Variants in FAM13C observed in about 807,000 individuals in gnomAD.
The protein encoded by FAM13C is family with sequence similarity 13 member C.
Under a neutral mutation model 73.2 loss-of-function variants are expected in FAM13C, and 37 were observed. That is an observed-to-expected ratio of 0.51 (90% CI 0.39 to 0.67). FAM13C has a LOEUF of 0.67. FAM13C is among the 30% of genes least tolerant of loss of function. The pLI is 0.00. For synonymous variants in FAM13C, 246 were observed against 260.9 expected, an observed-to-expected ratio of 0.94 and a Z score of 0.55; for missense variants, 589 against 715.6, an observed-to-expected ratio of 0.82 and a Z score of 2.02.
chr10:59,282,972 C>T lies in FAM13C; in HGVS notation c.592+391G>A, dbSNP rs192305150. On this transcript the variant is annotated intron_variant, in intron 6 of 13. Coordinates refer to ENST00000618804, the MANE Select transcript of FAM13C (RefSeq NM_198215.4). ...AAGGAAGTAGCAGTATGGAAACTTCCCCATCCTCAACACATCAAAAAGAAG... is the reference window on the plus strand; with the variant it reads ...AAGGAAGTAGCAGTATGGAAACTTCTCCATCCTCAACACATCAAAAAGAAG... The T allele has an allele frequency of 2.4e-5, 5 of 207,066 alleles. No individual in the cohort carries two copies. In the Admixed American group the frequency reaches 2.6e-4, roughly 11 times the overall value. 12.8% of individuals were successfully genotyped at this position (207,066 alleles called of 1,614,324 possible).
chr10:59,255,464 C>T (rs1841863826), intron 10 of FAM13C, among the ~76,000 whole-genome samples: 1 of 152,090 alleles, frequency 6.6e-6, no homozygotes, highest in Non-Finnish European at 1.5e-5. Context: ...TCCAAAGTGA[C>T]CGAACTCCTC....
chr10:59,307,429 C>G (rs554728769), intron 4 of FAM13C, among the ~76,000 whole-genome samples: 1 of 152,298 alleles, frequency 6.6e-6, no homozygotes, highest in Non-Finnish European at 1.5e-5. Flanking sequence ...CTTACTACCC[C>G]AGAGTGGGTC....
chr10:59,254,626 CAG>C (rs1318879710), intron 10 of FAM13C, among the ~76,000 whole-genome samples, 183 bp from the exon 11 acceptor site: 1 of 150,040 alleles, frequency 6.7e-6, no homozygotes, highest in Non-Finnish European at 1.5e-5. Context: ...TATTTAGAGA[CAG>C]AGTCTCACTC....
intron 5 of FAM13C, among the ~76,000 whole-genome samples, chr10:59,292,425 C>G (rs1846366378): frequency 6.6e-6 from 1 of 152,262 alleles, no homozygotes; most frequent in South Asian, 2.1e-4. Context: ...GATGGTAGCA[C>G]AGGAGATGGC....
intron 5 of FAM13C, among the ~76,000 whole-genome samples, chr10:59,289,542 C>T (rs1208918663): frequency 6.6e-6 from 1 of 152,230 alleles, no homozygotes; most frequent in African/African-American, 2.4e-5. Flanking sequence ...AAGAGCTGCA[C>T]TAGGCTCTGC....
At chr10:59,339,296 G>A (rs369840148) in intron 3 of FAM13C, among the ~76,000 whole-genome samples, 10 of 151,892 alleles carry the variant, frequency 6.6e-5, no homozygotes, top group African/African-American at 2.4e-4. Flanking sequence ...ATTTGAAGGG[G>A]GACACTACTC....
rs1371208686 is a variant in FAM13C at position 59,313,853 on chromosome 10, T to C, written c.443+10135A>G. On this transcript the variant is annotated intron_variant, in intron 4 of 13. Transcript: ENST00000618804. ...TATGGCCAAGAGAGGCGTGAGATTA[T>C]AGAGGGCAAACCAGAATTCCATGGG... 2.0e-5 allele frequency among the ~76,000 whole-genome samples: 3 copies of C among 152,138 alleles called. No homozygotes were observed. In the South Asian group the frequency reaches 6.2e-4, roughly 32 times the overall value.
At chr10:59,329,342 G>GTTTTTTTTTTTTTTTT (rs71006247) in intron 3 of FAM13C, among the ~76,000 whole-genome samples, 3 of 77,300 alleles carry the variant, frequency 3.9e-5, no homozygotes, top group Non-Finnish European at 7.4e-5. Context: ...TTTCTTTCTG[G>GTTTTTTTTTTTTTTTT]TTTTTTTTTT....
chr10:59,303,262 C>T (rs1847812096), intron 4 of FAM13C, among the ~76,000 whole-genome samples: 1 of 152,200 alleles, frequency 6.6e-6, no homozygotes, highest in African/African-American at 2.4e-5. Context: ...CAGGGCACCT[C>T]CCCAAGGAGG....
chr10:59,264,210 G>A (rs1206240596), intron 8 of FAM13C, 44 bp from the exon 9 acceptor site: 1 of 1,331,264 alleles, frequency 7.5e-7, no homozygotes, highest in African/African-American at 1.5e-5. Flanking sequence ...GAGGGAAGGA[G>A]GGAGAGGGTG....
At chr10:59,348,100 G>A (rs1422926343) in intron 3 of FAM13C, among the ~76,000 whole-genome samples, 1 of 152,166 alleles carries the variant, frequency 6.6e-6, no homozygotes, top group Non-Finnish European at 1.5e-5. Flanking sequence ...TGAAAAAAAA[G>A]AACCCCAATA....
rs571318838 is a variant in FAM13C, at chr10:59,249,336, G to A, written c.1635-1599C>T. Among the ~76,000 whole-genome samples, 6 of 122,212 alleles carry A rather than the reference G, an allele frequency of 4.9e-5. No individual in the cohort carries two copies. The East Asian group carries it at 7.7e-4, about 16-fold the overall frequency. The allele number at this position is 122,212 out of a possible 152,430, so 80.2% of individuals were successfully genotyped here. A position where few individuals can be genotyped will look rare whatever the true frequency, so the allele number is the denominator to read the frequency against. ...GGAGAATGGCGTGAACCCAGGAGGC[G>A]GAGCTTGCAGTGAGCCGAGATCGCG... On this transcript the variant is annotated intron_variant, in intron 13 of 13. Transcript: ENST00000618804.
Position 59,248,601 on chromosome 10 carries a change from T to C in FAM13C, c.1635-864A>G, listed in dbSNP as rs527528533. Among the ~76,000 whole-genome samples the C allele has an allele frequency of 2.0e-5, 3 of 152,258 alleles. No homozygotes were observed. The East Asian group carries it at 5.8e-4, about 29-fold the overall frequency. ...TTGAAAACATTTCCACCCACGACTT[T>C]GAAATTCAAGGGGTAGAGGACACAG... On this transcript the variant is annotated intron_variant, in intron 13 of 13. Transcript: ENST00000618804.
chr10:59,295,215 G>A (rs999395638), intron 5 of FAM13C, among the ~76,000 whole-genome samples: 2 of 152,248 alleles, frequency 1.3e-5, no homozygotes, highest in Non-Finnish European at 2.9e-5. Flanking sequence ...TCTATGAAGA[G>A]ATTTGCAAAT....
At chr10:59,342,010 G>A (rs1853582373) in intron 3 of FAM13C, among the ~76,000 whole-genome samples, 1 of 152,116 alleles carries the variant, frequency 6.6e-6, no homozygotes, top group Non-Finnish European at 1.5e-5. Context: ...CTCAAAACAT[G>A]GCACCATTGT....
At chr10:59,293,278 G>A (rs996549307) in intron 5 of FAM13C, among the ~76,000 whole-genome samples, 7 of 151,482 alleles carry the variant, frequency 4.6e-5, no homozygotes, top group African/African-American at 7.3e-5. Context: ...GGGTTTCACC[G>A]TGTTAGCCTG....
In FAM13C at chr10:59,344,336, C is replaced by T. The variant is rs1382986031; in HGVS notation, c.324+7934G>A. On this transcript the variant is annotated intron_variant, in intron 3 of 13. Coordinates refer to ENST00000618804, the MANE Select transcript of FAM13C (RefSeq NM_198215.4). Reference sequence around the variant, plus strand: ...CTCTGTCGCCCAGGCTGGAGTGCAGCAGCGCGATCTCGGCTCACTGCAAGT... The same window carrying T: ...CTCTGTCGCCCAGGCTGGAGTGCAGTAGCGCGATCTCGGCTCACTGCAAGT... 1.0e-3 allele frequency among the ~76,000 whole-genome samples: 142 copies of T among 135,666 alleles called. No homozygotes were observed. In the Middle Eastern group the frequency reaches 0.03, roughly 29 times the overall value. 89.0% of individuals were successfully genotyped at this position (135,666 alleles called of 152,430 possible). A position where few individuals can be genotyped will look rare whatever the true frequency, so the allele number is the denominator to read the frequency against.
At chr10:59,267,963 A>G (rs1051339261) in intron 8 of FAM13C, among the ~76,000 whole-genome samples, 1 of 152,146 alleles carries the variant, frequency 6.6e-6, no homozygotes, top group African/African-American at 2.4e-5. Flanking sequence ...AGAAGAAAGG[A>G]GGCTCATGTT....
At chr10:59,312,114 G>T (rs1455019546) in intron 4 of FAM13C, among the ~76,000 whole-genome samples, 1 of 152,066 alleles carries the variant, frequency 6.6e-6, no homozygotes, top group Non-Finnish European at 1.5e-5. Context: ...GTGATGGGCT[G>T]GGGGGTGGGG....
Sources: gnomAD v4.1 joint callset for allele counts (sites outside exome capture counted in the v4.1 genomes callset) on GRCh38, gnomAD v4.1.1 for gene constraint, MANE v1.5 for transcripts, NCBI Gene and HGNC (gene_info 2026-07-23, HGNC 2026-07-21) for gene names.